CFAP20DC: variants seen among roughly 807,000 people sequenced by gnomAD.
CFAP20DC encodes CFAP20 domain containing.
In CFAP20DC, 84 loss-of-function variants were observed where a neutral mutation model predicts 101.7. That is an observed-to-expected ratio of 0.83 (90% confidence interval 0.69 to 0.99). The LOEUF (loss-of-function observed/expected upper bound fraction) is 0.99. Ranked by LOEUF, CFAP20DC falls within the 50% of genes least tolerant of loss-of-function variation. The pLI is 0.00. For synonymous variants in CFAP20DC, 359 were observed against 351.2 expected (o/e 1.02, Z -0.25); for missense variants, 1,007 against 970.3 (o/e 1.04, Z -0.50).
intron 4 of CFAP20DC, among the ~76,000 whole-genome samples, chr3:59,005,362 G>A (rs2093410195): frequency 6.6e-6 from 1 of 152,134 alleles, no homozygotes; most frequent in Non-Finnish European, 1.5e-5. Context: ...ACAGATAAAT[G>A]AGAAACAATA....
At chr3:58,903,316 A>T (rs1289514498) in intron 6 of CFAP20DC, among the ~76,000 whole-genome samples, 2 of 152,000 alleles carry the variant, frequency 1.3e-5, no homozygotes, top group Non-Finnish European at 2.9e-5. Flanking sequence ...TTTTTAGTTA[A>T]TTTTTGTATA....
rs138650516 is a variant in CFAP20DC, at chr3:58,960,895, A to G, written c.279-23133T>C. Among the ~76,000 whole-genome samples the G allele has an allele frequency of 2.7e-3, 410 of 152,274 alleles. 1 individual carries two copies. Among genetic ancestry groups the G allele is most frequent in the African/African-American group, 9.3e-3 (386 of 41,560 alleles). On this transcript the variant is annotated intron_variant, in intron 4 of 16. Coordinates refer to ENST00000482387, the MANE Select transcript of CFAP20DC (RefSeq NM_001394063.1). ...AGTCTTTCATTTAGTATGATAAGCT[A>G]TATGTTTTTCATAGTTTTCCTTCTT...
chr3:58,987,356 T>C (rs1397148342), intron 4 of CFAP20DC, among the ~76,000 whole-genome samples: 2 of 152,198 alleles, frequency 1.3e-5, no homozygotes, highest in East Asian at 1.9e-4. Flanking sequence ...TATAACAACT[T>C]GAAATTAATC....
intron 4 of CFAP20DC, among the ~76,000 whole-genome samples, chr3:59,025,385 G>A (rs930792591): frequency 1.4e-4 from 22 of 152,214 alleles, no homozygotes; most frequent in African/African-American, 5.1e-4. Context: ...TTAGGGACAA[G>A]TAGCATGAAA....
At chr3:58,911,201 C>T (rs2084114621) in intron 6 of CFAP20DC, among the ~76,000 whole-genome samples, 1 of 152,064 alleles carries the variant, frequency 6.6e-6, no homozygotes, top group Admixed American at 6.6e-5. Context: ...GCTTCTAGCA[C>T]CATTATTCAT....
At chr3:58,771,168 C>T (rs1472061809) in intron 15 of CFAP20DC, among the ~76,000 whole-genome samples, 7 of 151,886 alleles carry the variant, frequency 4.6e-5, no homozygotes, top group Admixed American at 6.5e-5. Flanking sequence ...CCAAACACTG[C>T]GTGTTCTCAC....
chr3:58,991,876 G>T (rs996867015), intron 4 of CFAP20DC, among the ~76,000 whole-genome samples: 1 of 152,096 alleles, frequency 6.6e-6, no homozygotes, highest in African/African-American at 2.4e-5. Flanking sequence ...TGACTTAAAA[G>T]TAAATTAGGT....
chr3:58,911,313 G>A (rs1182657577), intron 6 of CFAP20DC, among the ~76,000 whole-genome samples: 2 of 152,124 alleles, frequency 1.3e-5, no homozygotes, highest in Admixed American at 6.6e-5. Context: ...CAACATAAAT[G>A]AATCTCACAA....
intron 4 of CFAP20DC, among the ~76,000 whole-genome samples, chr3:59,013,966 G>T (rs372059694): frequency 6.6e-6 from 1 of 152,288 alleles, no homozygotes; most frequent in East Asian, 1.9e-4. Flanking sequence ...TGAATTCAAT[G>T]ACGTATGGAA....
chr3:58,958,896 C>T (rs2090890481), intron 4 of CFAP20DC, among the ~76,000 whole-genome samples: 1 of 151,776 alleles, frequency 6.6e-6, no homozygotes, highest in Non-Finnish European at 1.5e-5. Flanking sequence ...AATATTTTCA[C>T]CAGTCTGTGG....
chr3:58,741,704 G>A (rs1328098806), downstream of CFAP20DC, among the ~76,000 whole-genome samples: 5 of 152,046 alleles, frequency 3.3e-5, no homozygotes, highest in South Asian at 1.0e-3. Context: ...CACTGTGTTA[G>A]CCAGGATGGT....
At chr3:58,814,203 T>A (rs1223146567) in intron 14 of CFAP20DC, among the ~76,000 whole-genome samples, 1 of 151,902 alleles carries the variant, frequency 6.6e-6, no homozygotes, top group Non-Finnish European at 1.5e-5. Context: ...CTATTAATTC[T>A]ACTTACACCA....
At chr3:58,769,718 T>G (rs2070669159) in intron 15 of CFAP20DC, among the ~76,000 whole-genome samples, 1 of 152,134 alleles carries the variant, frequency 6.6e-6, no homozygotes, top group Non-Finnish European at 1.5e-5. Flanking sequence ...CAGAGGATGT[T>G]TACATTATCG....
At position 58,855,459 on chromosome 3, in the gene CFAP20DC, C is replaced by T. The variant is rs539934408; in HGVS notation, c.1594-6050G>A. The stretch of plus-strand genomic sequence containing the variant: ...CCTCAGGGATCTAGAACTAGAAATA[C>T]CATTTGACCCAGCCATCCCATTACT... On this transcript the variant is annotated intron_variant, in intron 12 of 16. Coordinates refer to ENST00000482387, the MANE Select transcript of CFAP20DC (RefSeq NM_001394063.1). Among the ~76,000 whole-genome samples the T allele has an allele frequency of 1.3e-3, 201 of 152,208 alleles. 2 individuals carry two copies. The highest frequency in any genetic ancestry group is 0.01 in the Middle Eastern group (3 of 294).
intron 6 of CFAP20DC, among the ~76,000 whole-genome samples, chr3:58,895,934 A>G (rs994346722): frequency 6.6e-6 from 1 of 152,210 alleles, no homozygotes; most frequent in African/African-American, 2.4e-5. Context: ...CTTATTCGCT[A>G]TTACAAGAAC....
intron 7 of CFAP20DC, among the ~76,000 whole-genome samples, chr3:58,883,676 C>A (rs2081386270): frequency 6.6e-6 from 1 of 152,176 alleles, no homozygotes; most frequent in South Asian, 2.1e-4. Context: ...ACCTTTCATT[C>A]AAATACTTCA....
intron 6 of CFAP20DC, among the ~76,000 whole-genome samples, chr3:58,910,707 C>T (rs928905693): frequency 1.1e-4 from 17 of 152,054 alleles, no homozygotes; most frequent in Admixed American, 1.1e-3. Flanking sequence ...TCCTTTTACT[C>T]TGATGGTGAA....
At chr3:58,853,909 C>G (rs1351852199) in intron 12 of CFAP20DC, among the ~76,000 whole-genome samples, 2 of 151,448 alleles carry the variant, frequency 1.3e-5, no homozygotes, top group African/African-American at 2.4e-5. Context: ...GAAGCATTCC[C>G]TTTGAAAACT....
chr3:58,897,325 CT>C lies in CFAP20DC; in HGVS notation c.551-12617del, dbSNP rs1260601552. Among the ~76,000 whole-genome samples the C allele has an allele frequency of 2.0e-5, 3 of 152,196 alleles. No individual in the cohort carries two copies. In the East Asian group the frequency reaches 5.8e-4, roughly 29 times the overall value. On this transcript the variant is annotated intron_variant, in intron 6 of 16. Transcript: ENST00000482387. This position sits in a 1 kb window ranked among gnomAD's most constrained non-coding sequence, Gnocchi z 4.4. ...CCATGAATCTTGGCTCATTATCCAG[CT>C]TGCCATTGTGTCTTTTAATGGGGAC...
Sources: gnomAD v4.1 joint callset for allele counts (sites outside exome capture counted in the v4.1 genomes callset) on GRCh38, gnomAD v4.1.1 for gene constraint, Gnocchi (gnomAD v3.1) non-coding constraint, MANE v1.5 for transcripts, NCBI Gene and HGNC (gene_info 2026-07-23, HGNC 2026-07-21) for gene names.